The following MBOAT1 variants were observed in gnomAD, a reference collection of about 807,000 sequenced individuals.
The protein encoded by MBOAT1 is membrane bound glycerophospholipid O-acyltransferase 1, also known as membrane-bound glycerophospholipid O-acyltransferase 1.
MBOAT1 carries 67 observed loss-of-function variants against 64.4 expected under a neutral mutation model. The ratio of observed to expected loss-of-function variants is 1.04; its 90% CI spans 0.85 to 1.27. The LOEUF is 1.27. MBOAT1 is among the 50% of genes most tolerant of loss of function. The pLI is 0.00. For synonymous variants in MBOAT1, 229 were observed against 218.9 expected, an observed-to-expected ratio of 1.05 and a Z score of -0.41; for missense variants, 563 against 604.6, an observed-to-expected ratio of 0.93 and a Z score of 0.72.
chr6:20,124,734 G>A, intron 7 of MBOAT1, 134 bp from the exon 8 acceptor site: 2 of 728,562 alleles, frequency 2.7e-6, no homozygotes, highest in Non-Finnish European at 4.5e-6. Context: ...AGTGACAACA[G>A]GCATTCTTCC....
At chr6:20,143,038 C>CG (rs35809651) in intron 4 of MBOAT1, among the ~76,000 whole-genome samples, 9 of 152,150 alleles carry the variant, frequency 5.9e-5, no homozygotes, top group South Asian at 2.1e-4. Flanking sequence ...GAGCCATGAG[C>CG]GGTCACTCCC....
At chr6:20,163,593 G>A (rs1761926837) in intron 1 of MBOAT1, among the ~76,000 whole-genome samples, 1 of 152,046 alleles carries the variant, frequency 6.6e-6, no homozygotes, top group African/African-American at 2.4e-5. Context: ...TTAATCTCAG[G>A]GAGTCTGGTT....
chr6:20,202,113 C>A (rs1040925920), intron 1 of MBOAT1, among the ~76,000 whole-genome samples: 2 of 152,150 alleles, frequency 1.3e-5, no homozygotes, highest in African/African-American at 4.8e-5. Context: ...AGTTTAGCAA[C>A]TTCCTGTAAG....
At chr6:20,149,659 G>A (rs889030297) in intron 3 of MBOAT1, among the ~76,000 whole-genome samples, 1 of 152,154 alleles carries the variant, frequency 6.6e-6, no homozygotes, top group Non-Finnish European at 1.5e-5. Flanking sequence ...GCACTGAGAA[G>A]AGAGATGATT....
intron 1 of MBOAT1, among the ~76,000 whole-genome samples, chr6:20,207,750 C>T (rs889389243): frequency 7.2e-5 from 11 of 152,210 alleles, no homozygotes; most frequent in African/African-American, 2.7e-4. Flanking sequence ...GTAACATTTA[C>T]CAAGCATCAA....
intron 8 of MBOAT1, among the ~76,000 whole-genome samples, chr6:20,123,508 G>T (rs549119876): frequency 1.3e-5 from 2 of 151,814 alleles, no homozygotes; most frequent in South Asian, 4.2e-4. Flanking sequence ...GTCTAAAATT[G>T]TTTGAAAGGA....
At chr6:20,169,812 T>C (rs1762137902) in intron 1 of MBOAT1, among the ~76,000 whole-genome samples, 3 of 152,208 alleles carry the variant, frequency 2.0e-5, no homozygotes, top group South Asian at 4.1e-4. Flanking sequence ...GGGAGGGATT[T>C]GTATCTTTAA....
intron 1 of MBOAT1, among the ~76,000 whole-genome samples, chr6:20,167,810 T>C (rs1374746042): frequency 6.6e-6 from 1 of 152,214 alleles, no homozygotes; most frequent in Non-Finnish European, 1.5e-5. Flanking sequence ...AGTGAGTTAA[T>C]ACATGTCAAG....
At chr6:20,186,504 G>C (rs1192294135) in intron 1 of MBOAT1, among the ~76,000 whole-genome samples, 1 of 152,196 alleles carries the variant, frequency 6.6e-6, no homozygotes, top group Non-Finnish European at 1.5e-5. Flanking sequence ...ATGTAGAATG[G>C]AGAAGAAACT....
chr6:20,201,286 GTA>G (rs760622791), intron 1 of MBOAT1, among the ~76,000 whole-genome samples: 67 of 146,838 alleles, frequency 4.6e-4, no homozygotes, highest in Non-Finnish European at 8.9e-4. Flanking sequence ...CCAGAGCTCT[GTA>G]TATACAGACA....
chr6:20,188,303 A>G (rs528161467), intron 1 of MBOAT1, among the ~76,000 whole-genome samples: 24 of 152,336 alleles, frequency 1.6e-4, no homozygotes, highest in Non-Finnish European at 3.1e-4. Context: ...TCCCTAAAGG[A>G]GTAAATGCTC....
intron 4 of MBOAT1, among the ~76,000 whole-genome samples, chr6:20,135,613 C>T (rs1760964627): frequency 6.6e-6 from 1 of 152,104 alleles, no homozygotes; most frequent in African/African-American, 2.4e-5. Flanking sequence ...ATGAGATAAC[C>T]CAGACATCGG....
chr6:20,158,366 A>C (rs2113705560), intron 1 of MBOAT1, among the ~76,000 whole-genome samples: 1 of 152,320 alleles, frequency 6.6e-6, no homozygotes. Flanking sequence ...AAACTGTATA[A>C]CCACATACAG....
At chr6:20,152,813 G>A (rs754543096) in intron 1 of MBOAT1, 44 bp from the exon 2 acceptor site, 2 of 1,563,392 alleles carry the variant, frequency 1.3e-6, no homozygotes, top group African/African-American at 1.4e-5. Context: ...TGTGAATTTC[G>A]TCTTGGTTTT....
chr6:20,123,535 A>C (rs2113647284), intron 8 of MBOAT1, among the ~76,000 whole-genome samples: 1 of 152,312 alleles, frequency 6.6e-6, no homozygotes, highest in Non-Finnish European at 1.5e-5. Flanking sequence ...TAAAAGCTTA[A>C]TATAGACCAA....
intron 12 of MBOAT1, among the ~76,000 whole-genome samples, chr6:20,108,605 G>A (rs1248438135): frequency 6.6e-6 from 1 of 152,092 alleles, no homozygotes; most frequent in Non-Finnish European, 1.5e-5. Flanking sequence ...TCGGCTATAG[G>A]GAATTCCCAA....
At chr6:20,169,107 AT>A (rs1218133109) in intron 1 of MBOAT1, among the ~76,000 whole-genome samples, 3 of 152,236 alleles carry the variant, frequency 2.0e-5, no homozygotes, top group African/African-American at 7.2e-5. Context: ...TAAAAACGTT[AT>A]CACCCCATAG....
intron 1 of MBOAT1, among the ~76,000 whole-genome samples, chr6:20,211,571 C>T (rs186140405): frequency 1.4e-3 from 211 of 152,270 alleles, no homozygotes; most frequent in African/African-American, 4.9e-3. Context: ...GAAGCTCCAG[C>T]CCCAGGCATA....
chr6:20,195,229 A>G (rs1009713918), intron 1 of MBOAT1, among the ~76,000 whole-genome samples: 7 of 152,248 alleles, frequency 4.6e-5, no homozygotes, highest in African/African-American at 1.7e-4. Flanking sequence ...CTAGGATTAC[A>G]GGCATGAGCC....
Sources: gnomAD v4.1 joint callset for allele counts (sites outside exome capture counted in the v4.1 genomes callset) on GRCh38, gnomAD v4.1.1 for gene constraint, MANE v1.5 for transcripts, NCBI Gene and HGNC (gene_info 2026-07-23, HGNC 2026-07-21) for gene names.